The following ARFGAP2 variants were observed in gnomAD, a reference collection of about 807,000 sequenced individuals.
ARFGAP2 encodes ARF GTPase activating protein 2.
Under a neutral mutation model 71.9 loss-of-function variants are expected in ARFGAP2, and 45 were observed. The observed-to-expected ratio is 0.63, with a 90% CI of 0.49 to 0.80. The LOEUF (loss-of-function observed/expected upper bound fraction) is 0.80, where lower values mean the gene tolerates loss of function less well. Ranked by LOEUF, ARFGAP2 falls within the 30% of genes least tolerant of loss-of-function variation. ARFGAP2 has a pLI of 0.00. For synonymous variants in ARFGAP2, 248 were observed against 249.2 expected (o/e 1.00, Z 0.05); for missense variants, 633 against 673.9 (o/e 0.94, Z 0.67).
chr11:47,166,271 C>A lies in ARFGAP2; in HGVS notation c.1542G>T (p.Leu514Phe), dbSNP rs1336088583. The A allele has an allele frequency of 1.9e-6, 3 of 1,614,168 alleles. No homozygotes were observed. Among genetic ancestry groups the A allele is most frequent in the Admixed American group, 3.3e-5 (2 of 60,034 alleles). Residue 514 changes from leucine to phenylalanine, a missense_variant, in exon 15 of 16, where the codon TTG (leucine) becomes TTT (phenylalanine). Coordinates refer to ENST00000524782, the MANE Select transcript of ARFGAP2 (RefSeq NM_032389.6). ...TTAGGCCCCACTTCAGCCTCACCTG[C>A]AAGGAATTCATCACACCATTGGCCA... Reference protein sequence around the residue: ...AVLANGVMNSLQDRYGSY With the variant: ...AVLANGVMNSFQDRYGSY
chr11:47,173,459 CTG>C lies in ARFGAP2; in HGVS notation c.584_585del (p.Thr195ArgfsTer27). On this transcript the variant is annotated frameshift_variant, in exon 7 of 16. Transcript: ENST00000524782. LOFTEE classifies it high-confidence loss of function. ...GLAQPEHGPN[T>X]DLLGTSPKAS... is the part of the protein sequence containing the mutation. ...GCTTTGGGTGAGGTGCCAAGCAGGTCTGTGTTGGGGCCATGCTCCGGCTCTGT... is the reference window on the plus strand; with the variant it reads ...GCTTTGGGTGAGGTGCCAAGCAGGTCTGTTGGGGCCATGCTCCGGCTCTGT... 1 of 1,559,146 alleles carries C rather than the reference CTG, an allele frequency of 6.4e-7. No homozygotes were observed. Among genetic ancestry groups the C allele is most frequent in the Non-Finnish European group, 8.7e-7 (1 of 1,151,422 alleles).
intron 12 of ARFGAP2, among the ~76,000 whole-genome samples, chr11:47,167,516 C>G (rs1001305315): frequency 6.6e-6 from 1 of 152,114 alleles, no homozygotes; most frequent in Admixed American, 6.5e-5. Context: ...AGACATAAAA[C>G]CCCTGAAAGG....
rs778712155 is a variant in ARFGAP2, at chr11:47,175,338, G to A, written c.265-25C>T. On this transcript the variant is annotated intron_variant, in intron 3 of 15. Transcript: ENST00000524782. ...TCTGGAGAGCAAAGAAGAGAGCAGCGCGTGCTACGGGTGATTCTCAAGAAG... is the reference window on the plus strand; with the variant it reads ...TCTGGAGAGCAAAGAAGAGAGCAGCACGTGCTACGGGTGATTCTCAAGAAG... 46 of 1,613,764 alleles carry A rather than the reference G, an allele frequency of 2.9e-5. No homozygotes were observed. The East Asian group carries it at 2.9e-4, about 10-fold the overall frequency.
chr11:47,175,001 T>G lies in ARFGAP2; in HGVS notation c.480+14A>C. On this transcript the variant is annotated intron_variant, in intron 5 of 15. Coordinates refer to ENST00000524782, the MANE Select transcript of ARFGAP2 (RefSeq NM_032389.6). The stretch of plus-strand genomic sequence containing the variant: ...CAAGAACAACTGGGAAAACGGTTCC[T>G]TGTGGGCACTCACTTGAGTGTGTTC... 1.2e-6 allele frequency: 2 copies of G among 1,613,916 alleles called. No individual in the cohort carries two copies. The highest frequency in any genetic ancestry group is 1.7e-6 in the Non-Finnish European group (2 of 1,179,852).
In ARFGAP2 at chr11:47,176,744, G is replaced by C. The variant is rs775618582; in HGVS notation, c.72+38C>G. On this transcript the variant is annotated intron_variant, in intron 1 of 15. Transcript: ENST00000524782. ...GCCCTTCTCCCTCCCTCAGGCCCCA[G>C]CGGGACGAGAGACTCCGCGCGCCCC... The C allele has an allele frequency of 6.2e-6, 10 of 1,613,158 alleles. No homozygotes were observed. In the South Asian group the frequency reaches 1.1e-4, roughly 18 times the overall value.
At chr11:47,173,189 A>G in intron 7 of ARFGAP2, 1 of 549,774 alleles carries the variant, frequency 1.8e-6, no homozygotes, top group Non-Finnish European at 3.3e-6. Context: ...CCCCACACTC[A>G]GAGGCAGACC....
intron 6 of ARFGAP2, 108 bp from the exon 7 acceptor site, chr11:47,173,590 A>G: frequency 7.0e-7 from 1 of 1,423,978 alleles, no homozygotes; most frequent in South Asian, 1.4e-5. Context: ...CTTGCCACCA[A>G]AAGATAAAAG....
rs1427064589 is a variant in ARFGAP2, at chr11:47,165,378, G to A, written c.*104C>T. 2 of 1,448,024 alleles carry A rather than the reference G, an allele frequency of 1.4e-6. No individual in the cohort carries two copies. The highest frequency in any genetic ancestry group is 2.4e-5 in the East Asian group (1 of 41,484). 89.7% of individuals were successfully genotyped at this position (1,448,024 alleles called of 1,614,324 possible). A position where few individuals can be genotyped will look rare whatever the true frequency, so the allele number is the denominator to read the frequency against. On this transcript the variant is annotated 3_prime_UTR_variant, in exon 16 of 16. Transcript: ENST00000524782. ...CCCACACACACACCACACATACGAA[G>A]TAACAAATCCTCCCCAGCTTCCACA...
intron 12 of ARFGAP2, 52 bp from the exon 13 acceptor site, chr11:47,166,938 G>A (rs762998196): frequency 1.3e-6 from 2 of 1,588,238 alleles, no homozygotes; most frequent in Non-Finnish European, 1.7e-6. Context: ...CATCAGGGGA[G>A]GCAGAGTACA....
Position 47,167,855 on chromosome 11 carries a change from T to C in ARFGAP2, c.1205+54A>G, listed in dbSNP as rs999992185. 1.1e-5 allele frequency: 17 copies of C among 1,504,242 alleles called. 1 individual carries two copies. Among genetic ancestry groups the C allele is most frequent in the Admixed American group, 2.4e-5 (1 of 40,862 alleles). The allele number at this position is 1,504,242 out of a possible 1,614,324, so 93.2% of individuals were successfully genotyped here. On this transcript the variant is annotated intron_variant, in intron 12 of 15. Transcript: ENST00000524782. The stretch of plus-strand genomic sequence containing the variant: ...AGTGCTGCCTTAGAATTCTCTACCT[T>C]CAGCTTGTTTAAAAAAAAAAAAGAA...
intron 7 of ARFGAP2, 42 bp from the exon 8 acceptor site, chr11:47,172,375 C>T (rs1952638930): frequency 1.2e-6 from 2 of 1,607,408 alleles, no homozygotes; most frequent in Non-Finnish European, 8.5e-7. Flanking sequence ...ACAAAGGCAG[C>T]TCAGAGGCAG....
rs1952386237 is a variant in ARFGAP2, at chr11:47,166,551, T to C, written c.1381A>G (p.Ser461Gly). The C allele has an allele frequency of 2.5e-6, 4 of 1,612,396 alleles. No individual in the cohort carries two copies. The highest frequency in any genetic ancestry group is 3.4e-6 in the Non-Finnish European group (4 of 1,180,028). ...ATGTCCCCAAAGAGGTCTGAAGAGC[T>C]GATGGCACTGCTGCCTGAGAGCTGC... ...LQQLSGSSAI[S>G]SSDLFGDMDG... Residue 461 changes from serine to glycine, a missense_variant, in exon 14 of 16, where the codon AGC (serine) becomes GGC (glycine). Transcript: ENST00000524782.
intron 2 of ARFGAP2, 186 bp from the exon 3 acceptor site, chr11:47,176,109 G>C (rs1425068532): frequency 1.1e-5 from 7 of 630,024 alleles, no homozygotes; most frequent in Non-Finnish European, 2.0e-5. Context: ...ACTCCAAAGA[G>C]TACTAATTAT....
At position 47,175,060 on chromosome 11, in the gene ARFGAP2, G is replaced by A. The variant is rs760553042; in HGVS notation, c.435C>T (p.His145=). The change falls in exon 5 of 16, where the codon CAC becomes CAT. Residue 145 remains histidine (H), a synonymous_variant. Coordinates refer to ENST00000524782, the MANE Select transcript of ARFGAP2 (RefSeq NM_032389.6). The part of the protein sequence containing the change: ...IDNMSSAVPN[H]SPEKKDSDFF... ...AATCAGAGTCCTTCTTCTCTGGGGA[G>A]TGATTAGGAACGGCACTACTCATGT... is the stretch of plus-strand genomic sequence containing the variant. 14 of 1,614,234 alleles carry A rather than the reference G, an allele frequency of 8.7e-6. No homozygotes were observed. The highest frequency in any genetic ancestry group is 1.2e-5 in the Non-Finnish European group (14 of 1,180,044).
Position 47,164,358 on chromosome 11 carries a change from G to T in ARFGAP2, c.*1124C>A, listed in dbSNP as rs902650942. The T allele has an allele frequency of 4.0e-6, 5 of 1,238,646 alleles. No individual in the cohort carries two copies. Among genetic ancestry groups the T allele is most frequent in the Admixed American group, 2.9e-5 (1 of 34,342 alleles). The allele number at this position is 1,238,646 out of a possible 1,614,324, so 76.7% of individuals were successfully genotyped here. The stretch of plus-strand genomic sequence containing the variant: ...AGGGGCTTTATTTTGACACCACTTT[G>T]TTTCAATACAAACAGTCCAGAAAGA... On this transcript the variant is annotated 3_prime_UTR_variant, in exon 16 of 16. Coordinates refer to ENST00000524782, the MANE Select transcript of ARFGAP2 (RefSeq NM_032389.6).
intron 10 of ARFGAP2, among the ~76,000 whole-genome samples, chr11:47,171,130 A>C (rs912538544): frequency 6.6e-6 from 1 of 152,136 alleles, no homozygotes; most frequent in African/African-American, 2.4e-5. Context: ...GGTCTGGAAA[A>C]ATAAACTGTC....
At chr11:47,173,023 A>C in intron 7 of ARFGAP2, 1 of 356,298 alleles carries the variant, frequency 2.8e-6, no homozygotes, top group Non-Finnish European at 5.4e-6. Flanking sequence ...AGGCTGGGGT[A>C]CTGGCTGAGA....
rs921455058 is a variant in ARFGAP2, at chr11:47,165,107, A to G, written c.*375T>C. 1.2e-5 allele frequency: 3 copies of G among 241,220 alleles called. No homozygotes were observed. Among genetic ancestry groups the G allele is most frequent in the African/African-American group, 6.7e-5 (3 of 44,600 alleles). The allele number at this position is 241,220 out of a possible 1,614,324, so 14.9% of individuals were successfully genotyped here. The stretch of plus-strand genomic sequence containing the variant: ...CTAGAAGAACCCTAGAGCCAGCAAA[A>G]AAAGCCTTCTACCTTCCGCTTTCCC... On this transcript the variant is annotated 3_prime_UTR_variant, in exon 16 of 16. Transcript: ENST00000524782.
chr11:47,176,202 C>T (rs936950309), intron 2 of ARFGAP2: 2 of 589,820 alleles, frequency 3.4e-6, no homozygotes, highest in African/African-American at 3.7e-5. Flanking sequence ...CACAGTCTCA[C>T]TAGAGACATA....
Sources: gnomAD v4.1 joint callset for allele counts (sites outside exome capture counted in the v4.1 genomes callset) on GRCh38, gnomAD v4.1.1 for gene constraint, MANE v1.5 for transcripts, NCBI Gene and HGNC (gene_info 2026-07-23, HGNC 2026-07-21) for gene names.